The following VPS13D variants were observed in gnomAD, a reference collection of about 807,000 sequenced individuals.
VPS13D encodes the protein vacuolar protein sorting 13 homolog D.
A neutral mutation model predicts 461.9 loss-of-function variants in VPS13D; 187 were observed. The observed-to-expected ratio is 0.40, with a 90% CI of 0.36 to 0.46. VPS13D has a LOEUF of 0.46. VPS13D is among the 20% of genes least tolerant of loss of function. The pLI is 0.60. For missense variants in VPS13D, 4,711 were observed against 5,364.9 expected (o/e 0.88, Z 3.81); for synonymous variants, 1,951 against 1,986.3 (o/e 0.98, Z 0.47).
intron 42 of VPS13D, among the ~76,000 whole-genome samples, chr1:12,344,324 G>C (rs1265613290): frequency 6.6e-6 from 1 of 152,244 alleles, no homozygotes; most frequent in African/African-American, 2.4e-5. Flanking sequence ...AAGTCAAGCA[G>C]GTTTCCTTTT....
Position 12,233,061 on chromosome 1 carries a change from G to A in VPS13D, c.-76-1130G>A, listed in dbSNP as rs1313442226. 6.6e-5 allele frequency among the ~76,000 whole-genome samples: 10 copies of A among 150,576 alleles called. No homozygotes were observed. The East Asian group carries it at 7.8e-4, about 12-fold the overall frequency. On this transcript the variant is annotated intron_variant, in intron 1 of 69. Transcript: ENST00000620676. ...CACTCTGTCACCCAGGCTGGAGTGC[G>A]GTGGTGTGATCTTGGCTCACTGCAA... is the stretch of plus-strand genomic sequence containing the variant.
intron 68 of VPS13D, 70 bp from the exon 69 acceptor site, chr1:12,506,783 G>C: frequency 6.4e-7 from 1 of 1,566,600 alleles, no homozygotes; most frequent in Non-Finnish European, 8.7e-7. Flanking sequence ...CACAGAGCCC[G>C]CAGTGGGCCT....
intron 66 of VPS13D, among the ~76,000 whole-genome samples, chr1:12,456,592 C>T (rs1367966183): frequency 4.5e-5 from 6 of 134,016 alleles, no homozygotes; most frequent in African/African-American, 1.7e-4. Context: ...GAGCTGAGAT[C>T]GTGCCACTGC....
intron 67 of VPS13D, among the ~76,000 whole-genome samples, chr1:12,481,710 C>T (rs1645719925): frequency 6.6e-6 from 1 of 152,170 alleles, no homozygotes; most frequent in Non-Finnish European, 1.5e-5. Context: ...GTCTCTGAAC[C>T]AGCTTGTCTT....
At chr1:12,363,951 CAAAAAAAAAAAAAAAAAA>C (rs70987247) in intron 52 of VPS13D, among the ~76,000 whole-genome samples, 2 of 44,612 alleles carry the variant, frequency 4.5e-5, no homozygotes, top group Non-Finnish European at 7.4e-5. Context: ...GACTCTATCT[CAAAAAAAAAAAAAAAAAA>C]AAAAAAAAAA....
At chr1:12,396,639 T>C (rs951705073) in intron 60 of VPS13D, among the ~76,000 whole-genome samples, 1 of 152,198 alleles carries the variant, frequency 6.6e-6, no homozygotes, top group Admixed American at 6.5e-5. Flanking sequence ...GTGTGCAATG[T>C]GTCTCCCATG....
chr1:12,468,501 G>A (rs529111), intron 67 of VPS13D, among the ~76,000 whole-genome samples: 68 of 152,250 alleles, frequency 4.5e-4, no homozygotes, highest in Non-Finnish European at 8.4e-4. Flanking sequence ...CAGGACATTT[G>A]GACTAGCAGG....
Position 12,322,685 on chromosome 1 carries a change from TG to T in VPS13D, c.7855del (p.Ala2619HisfsTer16). 1 of 1,614,194 alleles carries T rather than the reference TG, an allele frequency of 6.2e-7. No individual in the cohort carries two copies. Among genetic ancestry groups the T allele is most frequent in the Non-Finnish European group, 8.5e-7 (1 of 1,180,030 alleles). ...ACTCCGTTGGCACTTACCTTCCAGG[TG>T]CATCTCGCGTTGGAGAGGAAATCAG... ...SDSVGTYLPG[A>X]SRVGEEIREG... On this transcript the variant is annotated frameshift_variant, in exon 34 of 70. Transcript: ENST00000620676. LOFTEE classifies it high-confidence loss of function.
chr1:12,267,863 G>T lies in VPS13D; in HGVS notation c.1744G>T (p.Val582Phe). Residue 582 changes from valine to phenylalanine, a missense_variant, in exon 15 of 70, where the codon GTC (valine) becomes TTC (phenylalanine). Val to Phe is a conservative substitution (Grantham distance 50). Transcript: ENST00000620676. The part of the protein sequence containing the change: ...FPNPQKEVGR[V>F]SQSFGLQTTS... ...TTAATAGCAAAAAGAAGTTGGCAGA[G>T]TCTCACAATCTTTTGGTCTACAAAC... 6.2e-7 allele frequency: 1 copy of T among 1,614,190 alleles called. No individual in the cohort carries two copies. The highest frequency in any genetic ancestry group is 1.7e-4 in the Middle Eastern group (1 of 6,060).
intron 65 of VPS13D, among the ~76,000 whole-genome samples, chr1:12,439,927 G>A (rs1645108371): frequency 1.3e-5 from 2 of 152,172 alleles, no homozygotes; most frequent in African/African-American, 4.8e-5. Context: ...CTACTTTACT[G>A]TGCTGTTTTC....
intron 13 of VPS13D, among the ~76,000 whole-genome samples, chr1:12,265,032 A>G (rs924826502): frequency 2.0e-5 from 3 of 152,074 alleles, no homozygotes; most frequent in Non-Finnish European, 4.4e-5. Context: ...TGTTCTATCA[A>G]TGGAGCAACA....
chr1:12,263,605 A>C (rs1218737184), intron 13 of VPS13D, among the ~76,000 whole-genome samples: 1 of 152,250 alleles, frequency 6.6e-6, no homozygotes, highest in South Asian at 2.1e-4. Context: ...GTATAAATAA[A>C]TATGCAGATG....
intron 63 of VPS13D, among the ~76,000 whole-genome samples, chr1:12,404,890 C>G (rs1644630432): frequency 6.6e-6 from 1 of 152,194 alleles, no homozygotes; most frequent in South Asian, 2.1e-4. Flanking sequence ...CCCATTGGTT[C>G]TGGTTTTTCA....
intron 5 of VPS13D, among the ~76,000 whole-genome samples, chr1:12,248,266 G>C (rs928162874): frequency 1.3e-5 from 2 of 152,008 alleles, no homozygotes; most frequent in African/African-American, 2.4e-5. Context: ...CTGAATACCA[G>C]ATTCTTATCA....
At chr1:12,245,069 A>C (rs964098520) in intron 5 of VPS13D, among the ~76,000 whole-genome samples, 1 of 152,170 alleles carries the variant, frequency 6.6e-6, no homozygotes. Flanking sequence ...TGAGTTGTGA[A>C]ATTGCGAACA....
At chr1:12,259,764 C>T (rs1413810519) in intron 10 of VPS13D, among the ~76,000 whole-genome samples, 1 of 152,134 alleles carries the variant, frequency 6.6e-6, no homozygotes, top group East Asian at 1.9e-4. Context: ...AAAAATGTAG[C>T]TGGGTATCAT....
At chr1:12,309,955 G>GT (rs566893931) in intron 27 of VPS13D, among the ~76,000 whole-genome samples, 67 of 152,042 alleles carry the variant, frequency 4.4e-4, no homozygotes, top group African/African-American at 1.4e-3. Flanking sequence ...TCAGTCTTAC[G>GT]TGTTATTCAA....
At chr1:12,290,512 G>A (rs1642096671) in intron 22 of VPS13D, among the ~76,000 whole-genome samples, 1 of 152,092 alleles carries the variant, frequency 6.6e-6, no homozygotes, top group Non-Finnish European at 1.5e-5. Context: ...CATGAGGTCA[G>A]GAGATCGAGA....
chr1:12,275,795 A>G (rs1641592405), intron 18 of VPS13D, 30 bp from the exon 19 acceptor site: 6 of 1,532,524 alleles, frequency 3.9e-6, no homozygotes, highest in Middle Eastern at 1.8e-4. Flanking sequence ...TAGCAGACAT[A>G]TATTTGAATC....
Sources: gnomAD v4.1 joint callset for allele counts (sites outside exome capture counted in the v4.1 genomes callset) on GRCh38, gnomAD v4.1.1 for gene constraint, MANE v1.5 for transcripts, NCBI Gene and HGNC (gene_info 2026-07-23, HGNC 2026-07-21) for gene names.